ADGRL2: variants seen among roughly 807,000 people sequenced by gnomAD.
The protein encoded by ADGRL2 is adhesion G protein-coupled receptor L2.
A neutral mutation model predicts 157.4 loss-of-function variants in ADGRL2; 44 were observed. The observed-to-expected ratio is 0.28, with a 90% CI of 0.22 to 0.36. The LOEUF (loss-of-function observed/expected upper bound fraction) is 0.36, where lower values mean the gene tolerates loss of function less well. Ranked by LOEUF, ADGRL2 falls within the 10% of genes least tolerant of loss-of-function variation. ADGRL2 has a pLI of 1.00. For missense variants in ADGRL2, 1,510 were observed against 1,768.9 expected (o/e 0.85, Z 2.63); for synonymous variants, 585 against 624.7 (o/e 0.94, Z 0.95).
intron 3 of ADGRL2, among the ~76,000 whole-genome samples, chr1:81,601,383 G>A (rs554563073): frequency 2.6e-5 from 4 of 152,252 alleles, no homozygotes; most frequent in East Asian, 3.9e-4. Flanking sequence ...TCAGTCAGAG[G>A]CTCCTGGGGA....
At chr1:81,361,409 T>A (rs1472392532) in intron 1 of ADGRL2, among the ~76,000 whole-genome samples, 1 of 151,970 alleles carries the variant, frequency 6.6e-6, no homozygotes, top group African/African-American at 2.4e-5. Context: ...ATGCTTTGTT[T>A]TTAGCACTTT....
chr1:81,952,758 TA>T (rs1388790719), intron 9 of ADGRL2, among the ~76,000 whole-genome samples: 2 of 152,062 alleles, frequency 1.3e-5, no homozygotes, highest in Non-Finnish European at 2.9e-5. Context: ...CTGCAGTATA[TA>T]TTTTGTCTCT....
intron 2 of ADGRL2, among the ~76,000 whole-genome samples, chr1:81,552,638 AAAAG>A (rs2080178539): frequency 1.3e-5 from 2 of 151,812 alleles, no homozygotes; most frequent in Non-Finnish European, 2.9e-5. Context: ...AAAAGAAAGA[AAAAG>A]AACCCCCCAA....
chr1:81,648,114 G>T (rs896996651), intron 3 of ADGRL2, among the ~76,000 whole-genome samples: 1 of 152,186 alleles, frequency 6.6e-6, no homozygotes, highest in Non-Finnish European at 1.5e-5. Flanking sequence ...TTTAAATAGA[G>T]TCTGAAAGAG....
intron 3 of ADGRL2, among the ~76,000 whole-genome samples, chr1:81,616,163 C>T (rs1377296095): frequency 6.6e-6 from 1 of 151,448 alleles, no homozygotes; most frequent in African/African-American, 2.4e-5. Context: ...GAGGGAACTA[C>T]AAAATCACCC....
chr1:81,395,574 T>G (rs1381035134), intron 1 of ADGRL2, among the ~76,000 whole-genome samples: 1 of 152,234 alleles, frequency 6.6e-6, no homozygotes, highest in African/African-American at 2.4e-5. Flanking sequence ...CGTTTGTCTA[T>G]TCTTGCTGTG....
chr1:81,579,658 G>T (rs1270185382), intron 2 of ADGRL2, among the ~76,000 whole-genome samples: 1 of 151,848 alleles, frequency 6.6e-6, no homozygotes, highest in African/African-American at 2.4e-5. Context: ...CCTTCTGAAG[G>T]GTGTTCAGAA....
intron 16 of ADGRL2, among the ~76,000 whole-genome samples, chr1:81,970,903 G>A (rs1240675256): frequency 2.0e-5 from 3 of 152,126 alleles, no homozygotes; most frequent in Non-Finnish European, 4.4e-5. Flanking sequence ...AGCTCTCTTT[G>A]TGCAGCTGAC....
chr1:81,847,143 G>C (rs2092823813), intron 2 of ADGRL2, among the ~76,000 whole-genome samples: 1 of 151,926 alleles, frequency 6.6e-6, no homozygotes, highest in African/African-American at 2.4e-5. Flanking sequence ...GATCCAGAGA[G>C]AGGAAAGATT....
chr1:81,334,058 C>A (rs1446930528), intron 1 of ADGRL2, among the ~76,000 whole-genome samples: 1 of 152,308 alleles, frequency 6.6e-6, no homozygotes, highest in Admixed American at 6.5e-5. Context: ...AGAAATAAAA[C>A]AAATAATCCA....
rs200950979 is a variant in ADGRL2 at position 81,576,772 on chromosome 1, G to A, written c.-247-4104G>A. 2.0e-4 allele frequency among the ~76,000 whole-genome samples: 30 copies of A among 152,128 alleles called. No homozygotes were observed. The South Asian group carries it at 4.6e-3, about 23-fold the overall frequency. ...CCAAGCAATTAATTTAGGCATTTGC[G>A]CATATATATGTATGTATATGTGTAT... is the stretch of plus-strand genomic sequence containing the variant. On this transcript the variant is annotated intron_variant, in intron 2 of 24. Transcript: ENST00000370721.
At chr1:81,389,371 T>G (rs796497023) in intron 1 of ADGRL2, among the ~76,000 whole-genome samples, 178 of 152,194 alleles carry the variant, frequency 1.2e-3, no homozygotes, top group African/African-American at 4.1e-3. Flanking sequence ...ATAAGAACTA[T>G]GAAGAAATTC....
chr1:81,784,450 A>G (rs1461272554), intron 2 of ADGRL2, among the ~76,000 whole-genome samples: 1 of 152,188 alleles, frequency 6.6e-6, no homozygotes, highest in Non-Finnish European at 1.5e-5. Flanking sequence ...AGCCTTGGCT[A>G]GGTGCAGTGG....
intron 2 of ADGRL2, among the ~76,000 whole-genome samples, chr1:81,877,655 C>CT (rs966886110): frequency 4.6e-5 from 7 of 151,330 alleles, no homozygotes; most frequent in South Asian, 4.2e-4. Flanking sequence ...CAATACGTGG[C>CT]TTTTTTTGGG....
chr1:81,845,031 TTC>T (rs1484099358), intron 2 of ADGRL2, among the ~76,000 whole-genome samples: 1 of 152,158 alleles, frequency 6.6e-6, no homozygotes, highest in East Asian at 1.9e-4. Flanking sequence ...CACATTTCTT[TTC>T]TGTTTTTCCA....
intron 1 of ADGRL2, among the ~76,000 whole-genome samples, chr1:81,803,727 G>A (rs555601528): frequency 1.3e-5 from 2 of 152,106 alleles, no homozygotes; most frequent in East Asian, 3.9e-4. Context: ...CGTTACAAAG[G>A]CCAGGTTCTA....
intron 1 of ADGRL2, among the ~76,000 whole-genome samples, chr1:81,828,340 G>C (rs1355650175): frequency 6.6e-6 from 1 of 152,112 alleles, no homozygotes; most frequent in African/African-American, 2.4e-5. Flanking sequence ...AAATGTAGTG[G>C]AATATAATTG....
At chr1:81,466,847 G>A (rs1171575698) in intron 2 of ADGRL2, among the ~76,000 whole-genome samples, 2 of 151,960 alleles carry the variant, frequency 1.3e-5, no homozygotes. Context: ...AAAGTTAAAA[G>A]GAAAATACAC....
At chr1:81,771,448 T>C (rs1218048813) in intron 2 of ADGRL2, among the ~76,000 whole-genome samples, 1 of 152,084 alleles carries the variant, frequency 6.6e-6, no homozygotes, top group Non-Finnish European at 1.5e-5. Flanking sequence ...GCATGCAAAA[T>C]AGATATATCC....
Sources: allele counts gnomAD v4.1 joint callset (sites outside exome capture counted in the v4.1 genomes callset), GRCh38; gene constraint gnomAD v4.1.1; transcripts MANE v1.5; gene names NCBI Gene and HGNC (gene_info 2026-07-23, HGNC 2026-07-21).